Variants in KIF21B observed in about 807,000 individuals in gnomAD.
KIF21B encodes kinesin family member 21B.
Under a neutral mutation model 192.9 loss-of-function variants are expected in KIF21B, and 85 were observed. The observed-to-expected ratio is 0.44, with a 90% CI of 0.37 to 0.53. The LOEUF (loss-of-function observed/expected upper bound fraction) is 0.53, where lower values mean the gene tolerates loss of function less well. KIF21B is among the 20% of genes least tolerant of loss of function. The pLI is 0.00. For missense variants in KIF21B, 1,716 were observed against 2,194.8 expected (o/e 0.78, Z 4.36); for synonymous variants, 832 against 884.6 (o/e 0.94, Z 1.05).
intron 2 of KIF21B, 149 bp downstream of exon 2, chr1:201,009,117 T>A: frequency 3.6e-6 from 4 of 1,100,220 alleles, no homozygotes; most frequent in Non-Finnish European, 5.1e-6. Context: ...CAGCCCTCCC[T>A]CTGCTAACCA....
intron 28 of KIF21B, 114 bp from the exon 29 acceptor site, chr1:200,981,210 T>C: frequency 2.6e-6 from 3 of 1,138,222 alleles, no homozygotes; most frequent in Non-Finnish European, 3.6e-6. Flanking sequence ...GAGGACCAAA[T>C]AACAGAGACT....
rs1487169305 is a variant in KIF21B at position 200,975,533 on chromosome 1, T to C, written c.4580A>G (p.Lys1527Arg). The C allele has an allele frequency of 6.2e-7, 1 of 1,613,508 alleles. No homozygotes were observed. The highest frequency in any genetic ancestry group is 1.3e-5 in the African/African-American group (1 of 74,918). Residue 1527 changes from lysine (K) to arginine (R), a missense_variant, in exon 33 of 35, where the codon AAG becomes AGG. Transcript: ENST00000461742. The surrounding 1 kb of genome is among the most constrained non-coding windows in gnomAD (Gnocchi z 4.3). ...CTCCTGCTGGTCTAGGTCCCACTTC[T>C]TGATGCCGTTATCTCGGGAGCCACT... Reference protein sequence around the residue: ...LFSGSRDNGIKKWDLDQQELI... With the variant: ...LFSGSRDNGIRKWDLDQQELI...
intron 17 of KIF21B, 99 bp downstream of exon 17, chr1:200,991,558 A>T (rs146499395): frequency 1.6e-6 from 2 of 1,222,908 alleles, no homozygotes; most frequent in Non-Finnish European, 2.4e-6. Flanking sequence ...TTCCACCGCC[A>T]GGAAGTTGGA....
intron 2 of KIF21B, 71 bp from the exon 3 acceptor site, chr1:201,009,022 C>T (rs1000999444): frequency 4.0e-6 from 6 of 1,500,522 alleles, no homozygotes; most frequent in Non-Finnish European, 5.4e-6. Context: ...GTACCTGGGC[C>T]AAATCCCCTT....
rs763589423 is a variant in KIF21B at position 200,999,876 on chromosome 1, T to G, written c.1767+7A>C. 14 of 1,613,274 alleles carry G rather than the reference T, an allele frequency of 8.7e-6. No homozygotes were observed. The highest frequency in any genetic ancestry group is 1.1e-5 in the Non-Finnish European group (13 of 1,179,930). On this transcript the variant is annotated splice_region_variant and intron_variant, in intron 12 of 34. Transcript: ENST00000461742. This position sits in a 1 kb window ranked among gnomAD's most constrained non-coding sequence, Gnocchi z 4.7. ...TGTGGTGAGGTGGGGCGGCCCGTGC[T>G]CCTCACCTCCTCCGCCTCGTTCTCA...
Position 200,986,932 on chromosome 1 carries a change from G to A in KIF21B, c.3615-14C>T. 6.2e-7 allele frequency: 1 copy of A among 1,613,174 alleles called. No homozygotes were observed. The highest frequency in any genetic ancestry group is 8.5e-7 in the Non-Finnish European group (1 of 1,179,348). ...GATTGCCTAGGGCTACAACAGAAGA[G>A]TCCAGTGAGGCCCAGACCCAACTCC... On this transcript the variant is annotated splice_polypyrimidine_tract_variant and intron_variant, in intron 25 of 34. Coordinates refer to ENST00000461742, the MANE Select transcript of KIF21B (RefSeq NM_001252102.2).
intron 16 of KIF21B, 57 bp downstream of exon 16, chr1:200,992,225 G>A (rs541724292): frequency 2.0e-6 from 3 of 1,518,834 alleles, no homozygotes; most frequent in Non-Finnish European, 2.7e-6. Flanking sequence ...AGGTGCACCA[G>A]GAGGCTGGGA....
intron 1 of KIF21B, among the ~76,000 whole-genome samples, chr1:201,011,454 C>T (rs558938576): frequency 3.9e-5 from 6 of 152,356 alleles, no homozygotes; most frequent in African/African-American, 1.4e-4. Context: ...AGGGCTTGAA[C>T]CTATGCAGTC....
At chr1:200,985,466 T>A (rs1656220606) in intron 26 of KIF21B, among the ~76,000 whole-genome samples, 1 of 152,064 alleles carries the variant, frequency 6.6e-6, no homozygotes, top group South Asian at 2.1e-4. Context: ...CCAGCCTGGG[T>A]GATGAAGTAA....
In KIF21B at chr1:200,975,466, G is replaced by A. The variant is rs373596214; in HGVS notation, c.4614+33C>T. 31 of 1,583,970 alleles carry A rather than the reference G, an allele frequency of 2.0e-5. No individual in the cohort carries two copies. The highest frequency in any genetic ancestry group is 3.4e-5 in the South Asian group (3 of 88,120). ...GTGGGCTATGGAAACCACCCTACCCGAGTCTACCCTCTCCCTTTCCTCCTG... is the reference window on the plus strand; with the variant it reads ...GTGGGCTATGGAAACCACCCTACCCAAGTCTACCCTCTCCCTTTCCTCCTG... On this transcript the variant is annotated intron_variant, in intron 33 of 34. Transcript: ENST00000461742. This position sits in a 1 kb window ranked among gnomAD's most constrained non-coding sequence, Gnocchi z 4.3.
rs540134751 is a variant in KIF21B, at chr1:200,990,993, G to A, written c.2611C>T (p.Arg871Cys). ...TGGTTGATTTTGCGGTTCCACTGGC[G>A]CACGATGCTGGAGACAGAGCGGGCC... ...SGARSVSSIVRQWNRKINHFL... is the reference protein window; with the variant it reads ...SGARSVSSIVCQWNRKINHFL... The change falls in exon 18 of 35, where the codon CGC becomes TGC. Residue 871 changes from arginine to cysteine, a missense_variant. By Grantham distance (180) the Arg-to-Cys change is radical. This residue lies in a region of KIF21B where 1,087 missense variants were observed against 1,316.6 expected (regional missense o/e 0.83). Coordinates refer to ENST00000461742, the MANE Select transcript of KIF21B (RefSeq NM_001252102.2). The surrounding 1 kb of genome is among the most constrained non-coding windows in gnomAD (Gnocchi z 5.4). 9.9e-6 allele frequency: 16 copies of A among 1,614,188 alleles called. No homozygotes were observed. Among genetic ancestry groups the A allele is most frequent in the Admixed American group, 6.7e-5 (4 of 60,024 alleles).
At chr1:201,019,564 C>T (rs1484251534) in intron 1 of KIF21B, among the ~76,000 whole-genome samples, 3 of 152,200 alleles carry the variant, frequency 2.0e-5, no homozygotes, top group South Asian at 2.1e-4. Flanking sequence ...CCCCGCCTCA[C>T]CTCCACTTGG....
rs1238558602 is a variant in KIF21B, at chr1:201,000,363, CA to C, written c.1685+26del. The C allele has an allele frequency of 1.3e-6, 2 of 1,531,828 alleles. No individual in the cohort carries two copies. The highest frequency in any genetic ancestry group is 2.8e-5 in the African/African-American group (2 of 71,904). The allele number at this position is 1,531,828 out of a possible 1,614,324, so 94.9% of individuals were successfully genotyped here. ...TCCACTGGGGCGGTCTGAGGGCTCT[CA>C]GGGGCGGGGACGACACTCCACTCAC... On this transcript the variant is annotated intron_variant, in intron 11 of 34. Coordinates refer to ENST00000461742, the MANE Select transcript of KIF21B (RefSeq NM_001252102.2). This position sits in a 1 kb window ranked among gnomAD's most constrained non-coding sequence, Gnocchi z 6.0.
chr1:201,020,241 G>T (rs1658739872), intron 1 of KIF21B, among the ~76,000 whole-genome samples: 1 of 152,184 alleles, frequency 6.6e-6, no homozygotes, highest in African/African-American at 2.4e-5. Flanking sequence ...AAACAAATTT[G>T]CCATGTGACT....
rs549802719 is a variant in KIF21B at position 201,001,661 on chromosome 1, G to A, written c.1402+500C>T. ...CTCCCAAAGTGCTGGGATTACAGGC[G>A]TGAACCAGAAGTAGGTTTAATATGG... On this transcript the variant is annotated intron_variant, in intron 9 of 34. Coordinates refer to ENST00000461742, the MANE Select transcript of KIF21B (RefSeq NM_001252102.2). 112 of 155,904 alleles carry A rather than the reference G, an allele frequency of 7.2e-4. 1 individual carries two copies. Among genetic ancestry groups the A allele is most frequent in the Admixed American group, 1.6e-3 (26 of 16,050 alleles). The allele number at this position is 155,904 out of a possible 1,614,324, so 9.7% of individuals were successfully genotyped here. A position where few individuals can be genotyped will look rare whatever the true frequency, so the allele number is the denominator to read the frequency against.
rs538222932 is a variant in KIF21B, at chr1:200,980,383, T to C, written c.3979+577A>G. 5.4e-4 allele frequency among the ~76,000 whole-genome samples: 82 copies of C among 152,212 alleles called. 2 individuals are homozygous for C. Among genetic ancestry groups the C allele is most frequent in the Non-Finnish European group, 7.9e-4 (54 of 68,034 alleles). On this transcript the variant is annotated intron_variant, in intron 29 of 34. Coordinates refer to ENST00000461742, the MANE Select transcript of KIF21B (RefSeq NM_001252102.2). ...GATCCTCCCACCTCAGCCTCCTGAG[T>C]AGCTGGGGCTACAGGCACATGTCAT...
At chr1:201,019,441 G>A (rs1023071700) in intron 1 of KIF21B, among the ~76,000 whole-genome samples, 3 of 151,906 alleles carry the variant, frequency 2.0e-5, no homozygotes, top group Non-Finnish European at 4.4e-5. Flanking sequence ...GCCCCATGAC[G>A]AAGCCAGTGG....
At chr1:200,976,293 T>C (rs1478104019) in intron 32 of KIF21B, among the ~76,000 whole-genome samples, 1 of 152,174 alleles carries the variant, frequency 6.6e-6, no homozygotes, top group African/African-American at 2.4e-5. Flanking sequence ...AGTTTCACCA[T>C]GTTGGCCAGG....
In KIF21B at chr1:200,990,370, A is replaced by C. The variant is rs1558007955; in HGVS notation, c.2836-38T>G. The C allele has an allele frequency of 1.3e-6, 2 of 1,561,606 alleles. No homozygotes were observed. ...GGGAGGGTGGTGATTGTGATGAAGG[A>C]GAGGCCTCAGGTAGCTGCCAAGCCC... On this transcript the variant is annotated intron_variant, in intron 19 of 34. Coordinates refer to ENST00000461742, the MANE Select transcript of KIF21B (RefSeq NM_001252102.2). The surrounding 1 kb of genome is among the most constrained non-coding windows in gnomAD (Gnocchi z 5.4).
Sources: gnomAD v4.1 joint callset for allele counts (sites outside exome capture counted in the v4.1 genomes callset) on GRCh38, gnomAD v4.1.1 for gene constraint, gnomAD v4.1.1 regional missense constraint, Gnocchi (gnomAD v3.1) non-coding constraint, MANE v1.5 for transcripts, NCBI Gene and HGNC (gene_info 2026-07-23, HGNC 2026-07-21) for gene names.